Variants in FGD6 observed in about 807,000 individuals in gnomAD.
FGD6 encodes the protein FYVE, RhoGEF and PH domain-containing protein 6.
In FGD6, 90 loss-of-function variants were observed where a neutral mutation model predicts 149.4. The observed-to-expected ratio is 0.60, with a 90% CI of 0.51 to 0.72. The LOEUF is 0.72. Among genes scored for constraint, FGD6 ranks in the 30% least tolerant of loss-of-function variants. The pLI is 0.00. For missense variants in FGD6, 1,437 were observed against 1,684.8 expected, an observed-to-expected ratio of 0.85 and a Z score of 2.57; for synonymous variants, 527 against 584.0, an observed-to-expected ratio of 0.90 and a Z score of 1.41.
At chr12:95,188,479 T>G (rs989124748) in intron 2 of FGD6, among the ~76,000 whole-genome samples, 10 of 152,138 alleles carry the variant, frequency 6.6e-5, no homozygotes, top group Admixed American at 2.0e-4. Context: ...GCCTTTGTCT[T>G]TCTCATGTAC....
intron 2 of FGD6, among the ~76,000 whole-genome samples, chr12:95,197,447 A>G (rs965562865): frequency 1.3e-5 from 2 of 152,082 alleles, no homozygotes; most frequent in African/African-American, 4.8e-5. Flanking sequence ...AAATAAAAAC[A>G]AACAAACAAA....
intron 2 of FGD6, among the ~76,000 whole-genome samples, chr12:95,201,999 CAT>C (rs1364916745): frequency 1.4e-5 from 2 of 142,320 alleles, no homozygotes; most frequent in Non-Finnish European, 3.0e-5. Context: ...CACACACACA[CAT>C]CTTCTTCTTC....
At chr12:95,114,704 A>G (rs1009016430) in intron 8 of FGD6, among the ~76,000 whole-genome samples, 3 of 152,196 alleles carry the variant, frequency 2.0e-5, no homozygotes, top group African/African-American at 7.2e-5. Flanking sequence ...CACCAAGGTA[A>G]GTCATGGAAT....
At chr12:95,092,244 T>G (rs1878080030) in intron 16 of FGD6, among the ~76,000 whole-genome samples, 1 of 152,174 alleles carries the variant, frequency 6.6e-6, no homozygotes, top group African/African-American at 2.4e-5. Flanking sequence ...CATTTAATTT[T>G]TAGAGTGACT....
At chr12:95,183,610 AG>A (rs1881344862) in intron 2 of FGD6, among the ~76,000 whole-genome samples, 1 of 152,212 alleles carries the variant, frequency 6.6e-6, no homozygotes, top group South Asian at 2.1e-4. Flanking sequence ...AGGCCAAGGC[AG>A]GAGGATCATT....
Position 95,085,521 on chromosome 12 carries a change from A to G in FGD6, c.4107+259T>C, listed in dbSNP as rs537922313. ...ACCTGGGGGCAGCTCTGCCTTTAGT[A>G]AAGTAATTAGTAGTCACACGACACA... On this transcript the variant is annotated intron_variant, in intron 19 of 20. Coordinates refer to ENST00000343958, the MANE Select transcript of FGD6 (RefSeq NM_018351.4). 4 of 466,006 alleles carry G rather than the reference A, an allele frequency of 8.6e-6. No individual in the cohort carries two copies. In the East Asian group the frequency reaches 1.4e-4, roughly 16 times the overall value. 28.9% of individuals were successfully genotyped at this position (466,006 alleles called of 1,614,324 possible).
chr12:95,189,192 A>G (rs1438456759), intron 2 of FGD6: 1 of 152,280 alleles, frequency 6.6e-6, no homozygotes, highest in East Asian at 1.9e-4. Context: ...ACAGGGTATT[A>G]GCTGCATAGC....
rs1438475048 is a variant in FGD6, at chr12:95,081,166, A to G, written c.*354T>C. On this transcript the variant is annotated 3_prime_UTR_variant, in exon 21 of 21. Transcript: ENST00000343958. ...CTTACAAAGACTTTCCACCAGTAAG[A>G]TTGTTACAATGTAAGGTAAGAAAAC... The G allele has an allele frequency of 6.3e-6, 1 of 158,582 alleles. No individual in the cohort carries two copies. Among genetic ancestry groups the G allele is most frequent in the Non-Finnish European group, 1.4e-5 (1 of 72,008 alleles). The allele number at this position is 158,582 out of a possible 1,614,324, so 9.8% of individuals were successfully genotyped here.
chr12:95,198,804 G>A (rs976956734), intron 2 of FGD6, among the ~76,000 whole-genome samples: 1 of 152,162 alleles, frequency 6.6e-6, no homozygotes, highest in African/African-American at 2.4e-5. Context: ...CCTCTTGTCT[G>A]GTTCATAGAC....
intron 2 of FGD6, among the ~76,000 whole-genome samples, chr12:95,186,448 T>C (rs1168987111): frequency 6.7e-6 from 1 of 148,542 alleles, no homozygotes; most frequent in African/African-American, 2.5e-5. Context: ...TCCTCCTGCC[T>C]CAGCCTCCCA....
chr12:95,119,649 C>T (rs1206106601), intron 8 of FGD6, among the ~76,000 whole-genome samples: 2 of 152,170 alleles, frequency 1.3e-5, no homozygotes, highest in Non-Finnish European at 2.9e-5. Flanking sequence ...TTAGCACTGT[C>T]GGCTGGTGTG....
chr12:95,100,597 T>C, intron 14 of FGD6: 1 of 478,028 alleles, frequency 2.1e-6, no homozygotes, highest in Non-Finnish European at 4.1e-6. Context: ...AGGAGACTCC[T>C]GTGGCATTCT....
chr12:95,111,745 A>G (rs973710849), intron 9 of FGD6, among the ~76,000 whole-genome samples: 5 of 152,142 alleles, frequency 3.3e-5, no homozygotes, highest in Non-Finnish European at 7.3e-5. Context: ...TCAACTAGAT[A>G]TGATCACTGA....
chr12:95,215,127 A>G (rs2056747406), intron 1 of FGD6, among the ~76,000 whole-genome samples: 1 of 152,068 alleles, frequency 6.6e-6, no homozygotes, highest in Non-Finnish European at 1.5e-5. Context: ...TCCCAAAGTG[A>G]TGGAATTACA....
chr12:95,085,661 C>G lies in FGD6; in HGVS notation c.4107+119G>C. ...AAAAATAACAGCAACAACACCTCCC[C>G]CATCCAAAAGCAAAGCAAAAAATCT... is the stretch of plus-strand genomic sequence containing the variant. On this transcript the variant is annotated intron_variant, in intron 19 of 20. Coordinates refer to ENST00000343958, the MANE Select transcript of FGD6 (RefSeq NM_018351.4). 2.7e-6 allele frequency: 3 copies of G among 1,114,620 alleles called. No individual in the cohort carries two copies. In the East Asian group the frequency reaches 7.5e-5, roughly 28 times the overall value. 69.0% of individuals were successfully genotyped at this position (1,114,620 alleles called of 1,614,324 possible). A position where few individuals can be genotyped will look rare whatever the true frequency, so the allele number is the denominator to read the frequency against.
chr12:95,102,451 A>AAAAAC (rs1878475968), intron 14 of FGD6, among the ~76,000 whole-genome samples: 1 of 149,392 alleles, frequency 6.7e-6, no homozygotes, highest in Non-Finnish European at 1.5e-5. Context: ...CTCAAAAAAA[A>AAAAAC]AAAAAAAAAA....
At chr12:95,128,937 A>G (rs1879428981) in intron 8 of FGD6, among the ~76,000 whole-genome samples, 1 of 152,258 alleles carries the variant, frequency 6.6e-6, no homozygotes, top group South Asian at 2.1e-4. Flanking sequence ...TGGTCTTTAT[A>G]CTATGAATAA....
chr12:95,203,460 C>A (rs555679532), intron 2 of FGD6, among the ~76,000 whole-genome samples: 78 of 152,314 alleles, frequency 5.1e-4, no homozygotes, highest in Non-Finnish European at 8.8e-4. Context: ...CTCCTAAACA[C>A]CAGATCTAAT....
intron 3 of FGD6, among the ~76,000 whole-genome samples, chr12:95,156,676 C>G (rs906985125): frequency 6.6e-6 from 1 of 152,064 alleles, no homozygotes; most frequent in South Asian, 2.1e-4. Flanking sequence ...CACTCCCACC[C>G]CTGTAGAAAT....
Sources: allele counts gnomAD v4.1 joint callset (sites outside exome capture counted in the v4.1 genomes callset), GRCh38; gene constraint gnomAD v4.1.1; transcripts MANE v1.5; gene names NCBI Gene and HGNC (gene_info 2026-07-23, HGNC 2026-07-21).